The following BCAS3 variants were observed in gnomAD, a reference collection of about 807,000 sequenced individuals.
BCAS3 encodes BCAS4/BCAS3 fusion.
Under a neutral mutation model 116.1 loss-of-function variants are expected in BCAS3, and 53 were observed. That is an observed-to-expected ratio of 0.46 (90% CI 0.37 to 0.57). BCAS3 has a LOEUF of 0.57. Among genes scored for constraint, BCAS3 ranks in the 20% least tolerant of loss-of-function variants. The pLI, the probability that BCAS3 is intolerant of heterozygous loss-of-function variation, is 0.00. For synonymous variants in BCAS3, 391 were observed against 408.2 expected, an observed-to-expected ratio of 0.96 and a Z score of 0.51; for missense variants, 917 against 1,165.4, an observed-to-expected ratio of 0.79 and a Z score of 3.10.
At chr17:61,374,779 C>T (rs1460304310) in intron 23 of BCAS3, among the ~76,000 whole-genome samples, 1 of 152,208 alleles carries the variant, frequency 6.6e-6, no homozygotes, top group Admixed American at 6.5e-5. Context: ...AACAATATTA[C>T]GGCCAGTGCA....
At position 61,007,691 on chromosome 17, in the gene BCAS3, T is replaced by C. The variant is rs2145500983; in HGVS notation, c.1487-8060T>C. ...AGTGATGACACTATCATTAATAATC[T>C]CAATCCCCATCCTGTTTAAAAAAAA... On this transcript the variant is annotated intron_variant, in intron 15 of 23. Transcript: ENST00000407086. The surrounding 1 kb of genome is among the most constrained non-coding windows in gnomAD (Gnocchi z 4.3). Among the ~76,000 whole-genome samples the C allele has an allele frequency of 6.6e-6, 1 of 151,388 alleles. No individual in the cohort carries two copies. The highest frequency in any genetic ancestry group is 1.9e-4 in the East Asian group (1 of 5,168).
chr17:60,811,517 AG>A, intron 7 of BCAS3: 1 of 392,824 alleles, frequency 2.5e-6, no homozygotes, highest in Non-Finnish European at 4.8e-6. Context: ...AAAAGTTCAG[AG>A]GTAAAAAAAA....
At chr17:60,775,871 T>G (rs1027379062) in intron 6 of BCAS3, among the ~76,000 whole-genome samples, 1 of 152,166 alleles carries the variant, frequency 6.6e-6, no homozygotes, top group Admixed American at 6.5e-5. Context: ...GTGTTTATTA[T>G]TAAAGTATAA....
At position 60,947,310 on chromosome 17, in the gene BCAS3, C is replaced by G. The variant is rs752430383; in HGVS notation, c.1179C>G (p.Val393=). 4 of 1,613,568 alleles carry G rather than the reference C, an allele frequency of 2.5e-6. No homozygotes were observed. The highest frequency in any genetic ancestry group is 3.4e-6 in the Non-Finnish European group (4 of 1,179,566). ...CTTGGTCCTCATCACAATGTGCTGT[C>G]CACCATCTGTATACTCTTCACAGGG... ...THPWSSSQCA[V]HHLYTLHRGE... Residue 393 remains valine (V), a synonymous_variant, in exon 14 of 24, where the codon GTC becomes GTG. Coordinates refer to ENST00000407086, the MANE Select transcript of BCAS3 (RefSeq NM_017679.5).
intron 15 of BCAS3, among the ~76,000 whole-genome samples, chr17:60,992,807 T>G (rs1171995499): frequency 6.6e-6 from 1 of 152,224 alleles, no homozygotes; most frequent in Non-Finnish European, 1.5e-5. Flanking sequence ...TAGTTACATT[T>G]TTTGGTGTTA....
chr17:60,794,882 A>G (rs571240622), intron 6 of BCAS3, among the ~76,000 whole-genome samples: 143 of 152,150 alleles, frequency 9.4e-4, no homozygotes, highest in African/African-American at 3.3e-3. Flanking sequence ...CTTTGGCTAT[A>G]TGGGCTCTTT....
chr17:61,358,105 G>A (rs1033552157), intron 22 of BCAS3, among the ~76,000 whole-genome samples: 3 of 150,968 alleles, frequency 2.0e-5, no homozygotes, highest in Non-Finnish European at 4.4e-5. Flanking sequence ...AAAAAAAATT[G>A]TGGGAAACAT....
At chr17:60,819,910 G>C (rs931231673) in intron 7 of BCAS3, among the ~76,000 whole-genome samples, 26 of 152,020 alleles carry the variant, frequency 1.7e-4, no homozygotes, top group Admixed American at 1.4e-3. Flanking sequence ...CTACAGGCGT[G>C]AGCCACCATG....
intron 6 of BCAS3, among the ~76,000 whole-genome samples, chr17:60,760,223 G>A (rs774225137): frequency 2.0e-5 from 3 of 152,070 alleles, no homozygotes; most frequent in Non-Finnish European, 4.4e-5. Context: ...CATATAATTT[G>A]TTTTCTGTTT....
chr17:60,745,514 C>T (rs867773040), intron 5 of BCAS3, among the ~76,000 whole-genome samples: 29 of 152,066 alleles, frequency 1.9e-4, no homozygotes, highest in Admixed American at 4.6e-4. Context: ...AGAGAATGTA[C>T]GATACTACAT....
At chr17:61,268,097 C>T (rs2049912401) in intron 22 of BCAS3, among the ~76,000 whole-genome samples, 1 of 152,216 alleles carries the variant, frequency 6.6e-6, no homozygotes, top group South Asian at 2.1e-4. Context: ...TCCTTAGTCA[C>T]ATTTGATCTT....
At chr17:60,816,531 C>A (rs559708321) in intron 7 of BCAS3, among the ~76,000 whole-genome samples, 6 of 152,208 alleles carry the variant, frequency 3.9e-5, no homozygotes, top group South Asian at 4.2e-4. Context: ...CCTCGGCCCC[C>A]CAAAATGCTG....
chr17:61,328,235 G>A (rs954042682), intron 22 of BCAS3, among the ~76,000 whole-genome samples: 1 of 151,956 alleles, frequency 6.6e-6, no homozygotes, highest in Non-Finnish European at 1.5e-5. Flanking sequence ...TGATCCTATA[G>A]AGAAAGAAAA....
chr17:60,828,194 T>C (rs1598990500), intron 7 of BCAS3, among the ~76,000 whole-genome samples: 2 of 152,338 alleles, frequency 1.3e-5, no homozygotes, highest in Admixed American at 1.3e-4. Context: ...AACATCTGCA[T>C]AGATTCTGAC....
chr17:60,763,206 G>A lies in BCAS3; in HGVS notation c.403+15927G>A, dbSNP rs1879907714. Among the ~76,000 whole-genome samples, 3 of 152,028 alleles carry A rather than the reference G, an allele frequency of 2.0e-5. No homozygotes were observed. In the South Asian group the frequency reaches 6.2e-4, roughly 32 times the overall value. On this transcript the variant is annotated intron_variant, in intron 6 of 23. Transcript: ENST00000407086. ...CTTTATTTCTTTCTCTTGCCTGATT[G>A]CCCTGGCCAGAACTTCCAACACTAT...
chr17:61,231,965 G>A (rs1325499074), intron 22 of BCAS3, among the ~76,000 whole-genome samples: 1 of 151,596 alleles, frequency 6.6e-6, no homozygotes, highest in Non-Finnish European at 1.5e-5. Context: ...CCAGCACTTT[G>A]GGAGGCCGAG....
At chr17:60,687,316 A>G (rs2034199088) in intron 3 of BCAS3, among the ~76,000 whole-genome samples, 2 of 152,184 alleles carry the variant, frequency 1.3e-5, no homozygotes, top group Non-Finnish European at 2.9e-5. Flanking sequence ...TAAAGACATC[A>G]GGTGATCCTG....
intron 22 of BCAS3, among the ~76,000 whole-genome samples, chr17:61,350,637 T>C (rs1225824935): frequency 3.2e-5 from 1 of 31,654 alleles, no homozygotes. Context: ...ATTCAGTCTT[T>C]TTTTTTTTTT....
chr17:60,868,470 A>T, intron 7 of BCAS3, 106 bp from the exon 8 acceptor site: 2 of 556,552 alleles, frequency 3.6e-6, no homozygotes, highest in Non-Finnish European at 5.7e-6. Flanking sequence ...ATTTACTAAT[A>T]TCTTGTTAAT....
Sources: gnomAD v4.1 joint callset for allele counts (sites outside exome capture counted in the v4.1 genomes callset) on GRCh38, gnomAD v4.1.1 for gene constraint, Gnocchi (gnomAD v3.1) non-coding constraint, MANE v1.5 for transcripts, NCBI Gene and HGNC (gene_info 2026-07-23, HGNC 2026-07-21) for gene names.